The following TRMT44 variants were observed in gnomAD, a reference collection of about 807,000 sequenced individuals.
The protein encoded by TRMT44 is tRNA methyltransferase 44 homolog, also known as probable tRNA (uracil-O(2)-)-methyltransferase.
A neutral mutation model predicts 77.3 loss-of-function variants in TRMT44; 78 were observed. The observed-to-expected ratio is 1.01, with a 90% CI of 0.84 to 1.22. The LOEUF is 1.22. Ranked by LOEUF, TRMT44 falls within the 50% of genes most tolerant of loss-of-function variation. The pLI, the probability that TRMT44 is intolerant of heterozygous loss-of-function variation, is 0.00. For missense variants in TRMT44, 1,090 were observed against 964.4 expected (o/e 1.13, Z -1.73); for synonymous variants, 391 against 383.3 (o/e 1.02, Z -0.23).
chr4:8,492,477 A>G lies in TRMT44; in HGVS notation n.3892-789A>G, dbSNP rs140631177. ...TCTAATCTCCAAGCTGTCCTTGTTCATCCCCGGGCGTAGGCTCAACCTACT... is the reference window on the plus strand; with the variant it reads ...TCTAATCTCCAAGCTGTCCTTGTTCGTCCCCGGGCGTAGGCTCAACCTACT... On this transcript the variant is annotated intron_variant and non_coding_transcript_variant, in intron 2 of 2. Coordinates refer to the TRMT44 transcript ENST00000511366. 3.9e-3 allele frequency among the ~76,000 whole-genome samples: 589 copies of G among 152,286 alleles called. 6 individuals carry two copies. The highest frequency in any genetic ancestry group is 0.013 in the African/African-American group (551 of 41,558).
At position 8,471,093 on chromosome 4, in the gene TRMT44, C is replaced by A; in HGVS notation, c.1937C>A (p.Ser646Tyr). The A allele has an allele frequency of 6.3e-7, 1 of 1,596,154 alleles. No individual in the cohort carries two copies. The highest frequency in any genetic ancestry group is 1.4e-5 in the African/African-American group (1 of 73,670). Reference sequence around the variant, plus strand: ...ACCCGTTTTTCCACAGAGAGCCTATCTCTGGCAGAAGTAGCCAACGAGCTG... The same window carrying A: ...ACCCGTTTTTCCACAGAGAGCCTATATCTGGCAGAAGTAGCCAACGAGCTG... The part of the protein sequence containing the change: ...LKTWNGGESL[S>Y]LAEVANELDT... The change falls in exon 10 of 11, where the codon TCT becomes TAT. Residue 646 changes from serine to tyrosine, a missense_variant. Coordinates refer to ENST00000389737, the MANE Select transcript of TRMT44 (RefSeq NM_152544.3).
At chr4:8,471,620 G>C (rs929644864) in intron 10 of TRMT44, among the ~76,000 whole-genome samples, 1 of 152,356 alleles carries the variant, frequency 6.6e-6, no homozygotes, top group African/African-American at 2.4e-5. Context: ...AGTGGGAAGA[G>C]TGAGCCCTGC....
chr4:8,475,462 G>A (rs891200831), intron 10 of TRMT44, among the ~76,000 whole-genome samples: 1 of 152,204 alleles, frequency 6.6e-6, no homozygotes, highest in Non-Finnish European at 1.5e-5. Context: ...CAGTCCTGGT[G>A]CAGTCTGTCC....
intron 8 of TRMT44, 148 bp from the exon 9 acceptor site, chr4:8,467,766 C>T (rs1726692492): frequency 3.4e-6 from 3 of 887,126 alleles, no homozygotes; most frequent in East Asian, 2.7e-5. Context: ...AGCCACCGTA[C>T]CTGGCTGGTG....
chr4:8,473,092 G>T (rs1464806858), intron 10 of TRMT44, among the ~76,000 whole-genome samples: 1 of 152,188 alleles, frequency 6.6e-6, no homozygotes, highest in East Asian at 1.9e-4. Flanking sequence ...TCTGAAGCTG[G>T]GTCTTATCTC....
chr4:8,511,155 T>C, the TRMT44 span, among the ~76,000 whole-genome samples: 10 of 152,326 alleles, frequency 6.6e-5, no homozygotes, highest in South Asian at 1.4e-3. Flanking sequence ...GAAGTGTCTA[T>C]GCTTAGTGAT....
chr4:8,466,147 A>G (rs1408987177), intron 8 of TRMT44, among the ~76,000 whole-genome samples: 1 of 152,228 alleles, frequency 6.6e-6, no homozygotes, highest in Non-Finnish European at 1.5e-5. Flanking sequence ...TGTTTACAGC[A>G]GCTCACCTAT....
chr4:8,445,963 C>T (rs1028100130), intron 1 of TRMT44, among the ~76,000 whole-genome samples: 4 of 152,132 alleles, frequency 2.6e-5, no homozygotes, highest in Admixed American at 2.6e-4. Flanking sequence ...ATATGCCACT[C>T]TGCTTATATT....
chr4:8,498,556 C>T, the TRMT44 span, among the ~76,000 whole-genome samples: 5 of 152,206 alleles, frequency 3.3e-5, no homozygotes, highest in East Asian at 1.9e-4. This position sits in a 1 kb window ranked among gnomAD's most constrained non-coding sequence, Gnocchi z 4.3. Flanking sequence ...AGAGGGGCAG[C>T]GATTTTCTTT....
At chr4:8,511,565 G>A in the TRMT44 span, among the ~76,000 whole-genome samples, 1 of 152,160 alleles carries the variant, frequency 6.6e-6, no homozygotes, top group Non-Finnish European at 1.5e-5. Context: ...TCAAAATCCT[G>A]AAAGATCAAC....
intron 2 of TRMT44, among the ~76,000 whole-genome samples, chr4:8,487,531 AG>A (rs1451417552): frequency 2.0e-5 from 3 of 149,068 alleles, no homozygotes; most frequent in Non-Finnish European, 4.5e-5. Context: ...TGGGGTGTAG[AG>A]GTAAGAGGTC....
chr4:8,491,030 T>C (rs547259908), intron 2 of TRMT44, among the ~76,000 whole-genome samples: 2 of 151,986 alleles, frequency 1.3e-5, no homozygotes, highest in African/African-American at 2.4e-5. Flanking sequence ...AGGATGCTGA[T>C]TGGTGTGTTT....
rs553125803 is a variant in TRMT44, at chr4:8,442,416, G to T, written c.619+975G>T. Among the ~76,000 whole-genome samples the T allele has an allele frequency of 9.2e-5, 14 of 152,318 alleles. No homozygotes were observed. In the South Asian group the frequency reaches 2.5e-3, roughly 27 times the overall value. ...TACTGCCCGTGACCTTGACACTTCA[G>T]CCTCAGCCACTCTTACCTGAAACTT... is the stretch of plus-strand genomic sequence containing the variant. On this transcript the variant is annotated intron_variant, in intron 1 of 10. Coordinates refer to ENST00000389737, the MANE Select transcript of TRMT44 (RefSeq NM_152544.3).
chr4:8,513,425 A>G, the TRMT44 span, among the ~76,000 whole-genome samples: 1 of 152,238 alleles, frequency 6.6e-6, no homozygotes, highest in Non-Finnish European at 1.5e-5. Flanking sequence ...TCCTCCCACG[A>G]CATATGGGAA....
chr4:8,481,987 A>G (rs1178469674), intron 2 of TRMT44, among the ~76,000 whole-genome samples: 2 of 152,226 alleles, frequency 1.3e-5, no homozygotes, highest in African/African-American at 4.8e-5. Flanking sequence ...CACTATGAAC[A>G]TTCCTGTCTA....
At chr4:8,468,433 G>A in intron 9 of TRMT44, 87 bp downstream of exon 9, 5 of 1,337,598 alleles carry the variant, frequency 3.7e-6, no homozygotes, top group Non-Finnish European at 5.3e-6. Flanking sequence ...ACATGAAATG[G>A]TGTGGCCCTG....
rs145009892 is a variant in TRMT44, at chr4:8,443,316, A to AT, written c.619+1881dup. Among the ~76,000 whole-genome samples, 762 of 152,276 alleles carry AT rather than the reference A, an allele frequency of 5.0e-3. 5 individuals carry two copies. Among genetic ancestry groups the AT allele is most frequent in the African/African-American group, 0.018 (729 of 41,542 alleles). ...TCGCTGAACAGAGGGGTAGGACAGA[A>AT]TTTTTTCCTTTCTTCCTCTCAGGGA... On this transcript the variant is annotated intron_variant, in intron 1 of 10. Coordinates refer to ENST00000389737, the MANE Select transcript of TRMT44 (RefSeq NM_152544.3).
chr4:8,512,804 A>G, the TRMT44 span, among the ~76,000 whole-genome samples: 4,173 of 152,294 alleles, frequency 0.027, 65 homozygotes, highest in South Asian at 0.042. Flanking sequence ...CCGAGTGTCT[A>G]TGCTTGCAAA....
At chr4:8,502,308 C>T in the TRMT44 span, among the ~76,000 whole-genome samples, 1 of 152,202 alleles carries the variant, frequency 6.6e-6, no homozygotes, top group South Asian at 2.1e-4. Flanking sequence ...TGTTTGTTGA[C>T]CACATCTGCA....
Sources: gnomAD v4.1 joint callset for allele counts (sites outside exome capture counted in the v4.1 genomes callset) on GRCh38, gnomAD v4.1.1 for gene constraint, Gnocchi (gnomAD v3.1) non-coding constraint, MANE v1.5 for transcripts, NCBI Gene and HGNC (gene_info 2026-07-23, HGNC 2026-07-21) for gene names.